Variants in AFDN observed in about 807,000 individuals in gnomAD.
AFDN encodes the protein afadin.
A neutral mutation model predicts 216.6 loss-of-function variants in AFDN; 68 were observed. That is an observed-to-expected ratio of 0.31 (90% CI 0.26 to 0.38). The LOEUF is 0.38. Ranked by LOEUF, AFDN falls within the 10% of genes least tolerant of loss-of-function variation. The probability of loss-of-function intolerance (pLI) is 1.00; values close to 1 mark genes in which losing one functional copy is unlikely to be tolerated. For synonymous variants in AFDN, 868 were observed against 853.7 expected, an observed-to-expected ratio of 1.02 and a Z score of -0.29; for missense variants, 2,136 against 2,342.0, an observed-to-expected ratio of 0.91 and a Z score of 1.82.
In AFDN at chr6:167,903,944, T is replaced by C. The variant is rs191196108; in HGVS notation, c.1650+1558T>C. On this transcript the variant is annotated intron_variant, in intron 12 of 33. Transcript: ENST00000683244. ...ACCACGTACTTGATGCACTTTCTTC[T>C]GTTGGCTTCTAGGGTATATTACCCT... Among the ~76,000 whole-genome samples, 27 of 152,344 alleles carry C rather than the reference T, an allele frequency of 1.8e-4. No individual in the cohort carries two copies. The East Asian group carries it at 5.2e-3, about 29-fold the overall frequency.
intron 23 of AFDN, among the ~76,000 whole-genome samples, chr6:167,926,252 A>C (rs1202773292): frequency 6.6e-6 from 1 of 152,214 alleles, no homozygotes; most frequent in Non-Finnish European, 1.5e-5. Context: ...GGTCCGTTTG[A>C]AATGAGGGTA....
At chr6:167,936,583 C>T (rs531008005) in intron 23 of AFDN, among the ~76,000 whole-genome samples, 8 of 151,420 alleles carry the variant, frequency 5.3e-5, no homozygotes, top group Admixed American at 2.6e-4. Flanking sequence ...TTTTTTTAAC[C>T]GTAGGCAGTA....
At chr6:167,893,665 A>T in intron 8 of AFDN, 197 bp from the exon 9 acceptor site, 1 of 551,124 alleles carries the variant, frequency 1.8e-6, no homozygotes, top group Non-Finnish European at 3.3e-6. Flanking sequence ...TTTCTAAAAC[A>T]CTGACTGGGG....
chr6:167,933,040 G>C (rs1024735604), intron 23 of AFDN, among the ~76,000 whole-genome samples: 1 of 152,128 alleles, frequency 6.6e-6, no homozygotes, highest in Non-Finnish European at 1.5e-5. Flanking sequence ...TATGGTGAAG[G>C]TTGCTTTAAA....
Position 167,957,438 on chromosome 6 carries a change from G to C in AFDN, c.4834-4995G>C, listed in dbSNP as rs551450513. 5.3e-5 allele frequency among the ~76,000 whole-genome samples: 8 copies of C among 152,308 alleles called. No individual in the cohort carries two copies. The South Asian group carries it at 1.7e-3, about 32-fold the overall frequency. On this transcript the variant is annotated intron_variant, in intron 30 of 33. Transcript: ENST00000683244. ...CAGGCCAAGGTCCCAAGCTCTCGAA[G>C]GTGTGTGACCTTCCTGACTGTTAGC...
rs951247453 is a variant in AFDN at position 167,962,441 on chromosome 6, C to T, written c.4842C>T (p.Asp1614=). Residue 1614 remains aspartate, a synonymous_variant, in exon 31 of 34, where the codon GAC becomes GAT. Transcript: ENST00000683244. This position sits in a 1 kb window ranked among gnomAD's most constrained non-coding sequence, Gnocchi z 5.2. Reference sequence around the variant, plus strand: ...TGTCAGCCTGTTGTTAGTTGCAGGACGAGGAGCGGAGGCGGCAGCAGCAGT... The same window carrying T: ...TGTCAGCCTGTTGTTAGTTGCAGGATGAGGAGCGGAGGCGGCAGCAGCAGT... ...LEAERRARLQ[D]EERRRQQQLE... 11 of 1,613,290 alleles carry T rather than the reference C, an allele frequency of 6.8e-6. No individual in the cohort carries two copies. The highest frequency in any genetic ancestry group is 2.7e-5 in the African/African-American group (2 of 74,784).
At chr6:167,895,821 T>G (rs1025848821) in intron 9 of AFDN, among the ~76,000 whole-genome samples, 1 of 152,148 alleles carries the variant, frequency 6.6e-6, no homozygotes, top group African/African-American at 2.4e-5. Flanking sequence ...ATCAGCGGGT[T>G]TGAAAGTTAT....
chr6:167,886,749 T>C (rs1370806077), intron 6 of AFDN, among the ~76,000 whole-genome samples: 2 of 152,182 alleles, frequency 1.3e-5, no homozygotes, highest in Non-Finnish European at 1.5e-5. Flanking sequence ...GCAGTGTACA[T>C]AGGGTCTGTA....
intron 7 of AFDN, 101 bp downstream of exon 7, chr6:167,889,427 T>G: frequency 1.2e-6 from 1 of 820,468 alleles, no homozygotes; most frequent in South Asian, 1.8e-5. Context: ...TTAATGTTTT[T>G]GGATGGCCTT....
intron 22 of AFDN, among the ~76,000 whole-genome samples, chr6:167,923,631 T>TC (rs1302985071): frequency 4.0e-5 from 6 of 149,216 alleles, no homozygotes; most frequent in Admixed American, 3.3e-4. Flanking sequence ...TTTTTTTTTT[T>TC]TTTTTTTTTT....
chr6:167,951,143 C>A lies in AFDN; in HGVS notation c.3832-43C>A. On this transcript the variant is annotated intron_variant, in intron 29 of 33. Coordinates refer to ENST00000683244, the MANE Select transcript of AFDN (RefSeq NM_001386888.1). The surrounding 1 kb of genome is among the most constrained non-coding windows in gnomAD (Gnocchi z 7.1). Reference sequence around the variant, plus strand: ...AATGTTTGTGGATATTTGGTAATTTCTAGTAAATGGCTGAAATATAATAAT... The same window carrying A: ...AATGTTTGTGGATATTTGGTAATTTATAGTAAATGGCTGAAATATAATAAT... The A allele has an allele frequency of 6.6e-7, 1 of 1,509,164 alleles. No individual in the cohort carries two copies. The highest frequency in any genetic ancestry group is 2.3e-5 in the East Asian group (1 of 43,832). 93.5% of individuals were successfully genotyped at this position (1,509,164 alleles called of 1,614,324 possible). A position where few individuals can be genotyped will look rare whatever the true frequency, so the allele number is the denominator to read the frequency against.
intron 1 of AFDN, among the ~76,000 whole-genome samples, chr6:167,860,257 G>A (rs770077732): frequency 7.2e-6 from 1 of 139,036 alleles, no homozygotes; most frequent in Non-Finnish European, 1.5e-5. Context: ...TTCTGCCCTT[G>A]AGACTTTATG....
Position 167,971,343 on chromosome 6 carries a change from A to C in AFDN, c.*1408A>C, listed in dbSNP as rs1798009701. 1 of 214,050 alleles carries C rather than the reference A, an allele frequency of 4.7e-6. No individual in the cohort carries two copies. Among genetic ancestry groups the C allele is most frequent in the Non-Finnish European group, 9.4e-6 (1 of 106,100 alleles). 13.3% of individuals were successfully genotyped at this position (214,050 alleles called of 1,614,324 possible). ...TGTTAGGAAAATAGGCACACTTTCA[A>C]AGAGAGGTATAGGGGCTTTTTACTG... On this transcript the variant is annotated 3_prime_UTR_variant, in exon 34 of 34. Transcript: ENST00000683244.
chr6:167,923,412 G>A (rs1287533966), intron 22 of AFDN, among the ~76,000 whole-genome samples: 1 of 151,948 alleles, frequency 6.6e-6, no homozygotes, highest in Non-Finnish European at 1.5e-5. Flanking sequence ...TACATGTTAA[G>A]AACAATTCTA....
In AFDN at chr6:167,914,158, C is replaced by G; in HGVS notation, c.2059-10C>G. ...TCTCTGTTGCTTATGGAAGTGTGTT[C>G]TGTCTACAGAAACAGAAGAATATTG... is the stretch of plus-strand genomic sequence containing the variant. On this transcript the variant is annotated splice_polypyrimidine_tract_variant and intron_variant, in intron 16 of 33. Transcript: ENST00000683244. 6.2e-7 allele frequency: 1 copy of G among 1,612,742 alleles called. No homozygotes were observed. The highest frequency in any genetic ancestry group is 1.1e-5 in the South Asian group (1 of 90,592).
At chr6:167,846,071 C>T (rs1056937129) in intron 1 of AFDN, among the ~76,000 whole-genome samples, 5 of 152,040 alleles carry the variant, frequency 3.3e-5, no homozygotes, top group Non-Finnish European at 7.4e-5. Context: ...CCTCCCTTGA[C>T]ATAAGGGGAT....
intron 11 of AFDN, among the ~76,000 whole-genome samples, chr6:167,900,236 T>C (rs1323272788): frequency 6.6e-6 from 1 of 152,222 alleles, no homozygotes; most frequent in East Asian, 1.9e-4. Flanking sequence ...GTCAAACGAT[T>C]GTGACAGATT....
chr6:167,965,080 G>A, intron 31 of AFDN: 4 of 1,029,290 alleles, frequency 3.9e-6, no homozygotes, highest in Non-Finnish European at 4.7e-6. Context: ...AGTTTCTTAA[G>A]ATTTGAAATA....
chr6:167,853,346 C>G (rs774622658), intron 1 of AFDN, among the ~76,000 whole-genome samples: 1 of 152,062 alleles, frequency 6.6e-6, no homozygotes, highest in Non-Finnish European at 1.5e-5. Context: ...AACAGGATAT[C>G]TGAATGGGCA....
Sources: allele counts gnomAD v4.1 joint callset (sites outside exome capture counted in the v4.1 genomes callset), GRCh38; gene constraint gnomAD v4.1.1; non-coding constraint Gnocchi (gnomAD v3.1); transcripts MANE v1.5; gene names NCBI Gene and HGNC (gene_info 2026-07-23, HGNC 2026-07-21).